PRKD1: variants seen among roughly 807,000 people sequenced by gnomAD.
PRKD1 encodes the protein serine/threonine-protein kinase D1.
In PRKD1, 63 loss-of-function variants were observed where a neutral mutation model predicts 95.9. The ratio of observed to expected loss-of-function variants is 0.66; its 90% confidence interval spans 0.54 to 0.81. PRKD1 has a LOEUF of 0.81. Ranked by LOEUF, PRKD1 falls within the 30% of genes least tolerant of loss-of-function variation. The pLI is 0.00. For missense variants in PRKD1, 1,048 were observed against 1,165.3 expected, an observed-to-expected ratio of 0.90 and a Z score of 1.47; for synonymous variants, 425 against 423.1, an observed-to-expected ratio of 1.00 and a Z score of -0.05.
intron 1 of PRKD1, among the ~76,000 whole-genome samples, chr14:29,775,600 G>A (rs1030854536): frequency 2.6e-4 from 39 of 152,108 alleles, no homozygotes; most frequent in Non-Finnish European, 4.9e-4. Flanking sequence ...TCTTGGGGAG[G>A]GGCATCCACC....
chr14:29,631,962 T>G (rs1313339621), intron 9 of PRKD1, among the ~76,000 whole-genome samples: 1 of 151,928 alleles, frequency 6.6e-6, no homozygotes, highest in Non-Finnish European at 1.5e-5. Flanking sequence ...CCATCACGAC[T>G]GGCTAATTTG....
intron 13 of PRKD1, among the ~76,000 whole-genome samples, chr14:29,606,101 C>G (rs183645792): frequency 8.5e-4 from 129 of 152,284 alleles, no homozygotes; most frequent in Middle Eastern, 3.4e-3. Context: ...CAGCCTCCCC[C>G]TCTCGGGTTC....
At chr14:29,877,876 A>G (rs1161394202) in intron 1 of PRKD1, among the ~76,000 whole-genome samples, 1 of 152,220 alleles carries the variant, frequency 6.6e-6, no homozygotes, top group Non-Finnish European at 1.5e-5. Context: ...ACTATACACA[A>G]TAGCAATGAC....
chr14:29,769,565 A>AAAAT lies in PRKD1; in HGVS notation c.265-43895_265-43892dup, dbSNP rs534074403. Among the ~76,000 whole-genome samples, 40 of 152,242 alleles carry AAAAT rather than the reference A, an allele frequency of 2.6e-4. 1 individual carries two copies. The South Asian group carries it at 7.7e-3, about 29-fold the overall frequency. On this transcript the variant is annotated intron_variant, in intron 1 of 17. Coordinates refer to ENST00000331968, the MANE Select transcript of PRKD1 (RefSeq NM_002742.3). ...GAAAGCAAGACCCAGTCTCCCGAAA[A>AAAAT]AAATAAATAAATAAATAAGAGAGAG...
At chr14:29,604,372 C>A (rs1050796121) in intron 13 of PRKD1, among the ~76,000 whole-genome samples, 2 of 152,222 alleles carry the variant, frequency 1.3e-5, no homozygotes, top group Admixed American at 6.5e-5. Context: ...TGCAATAGGT[C>A]TTTAGGAGCA....
chr14:29,710,169 G>T (rs1294654298), intron 2 of PRKD1, among the ~76,000 whole-genome samples: 3 of 152,112 alleles, frequency 2.0e-5, no homozygotes, highest in African/African-American at 7.2e-5. Flanking sequence ...CTTCCTGATG[G>T]AAGAATTCCA....
intron 1 of PRKD1, among the ~76,000 whole-genome samples, chr14:29,800,359 T>G (rs1271618507): frequency 6.6e-6 from 1 of 152,230 alleles, no homozygotes; most frequent in Non-Finnish European, 1.5e-5. Flanking sequence ...TGCATTTGTT[T>G]AACACTCTGT....
intron 1 of PRKD1, among the ~76,000 whole-genome samples, chr14:29,767,442 A>G (rs1888305603): frequency 6.6e-6 from 1 of 152,180 alleles, no homozygotes; most frequent in African/African-American, 2.4e-5. Flanking sequence ...TACCTTTTGG[A>G]GCCATGCAAA....
At chr14:29,734,028 CTTTTTTTTTTTTTTTT>C (rs58908662) in intron 1 of PRKD1, among the ~76,000 whole-genome samples, 12 of 64,642 alleles carry the variant, frequency 1.9e-4, no homozygotes, top group African/African-American at 4.7e-4. Context: ...ACTTTCCTGC[CTTTTTTTTTTTTTTTT>C]TTTTTTTTTT....
intron 2 of PRKD1, among the ~76,000 whole-genome samples, chr14:29,677,103 A>G (rs986766354): frequency 6.6e-6 from 1 of 152,180 alleles, no homozygotes; most frequent in African/African-American, 2.4e-5. Context: ...AAATTGGACC[A>G]TATAGCCGGT....
chr14:29,583,814 C>T (rs983971923), intron 16 of PRKD1, among the ~76,000 whole-genome samples: 3 of 151,992 alleles, frequency 2.0e-5, no homozygotes, highest in African/African-American at 7.2e-5. Flanking sequence ...CAATAATGTT[C>T]CCTACAAATT....
chr14:29,650,101 C>T (rs912057506), intron 4 of PRKD1, among the ~76,000 whole-genome samples: 4 of 151,970 alleles, frequency 2.6e-5, no homozygotes, highest in African/African-American at 9.7e-5. Flanking sequence ...ACTCTCGCCA[C>T]CTCCGGTTTT....
intron 2 of PRKD1, among the ~76,000 whole-genome samples, chr14:29,718,785 C>T (rs530804396): frequency 1.3e-5 from 2 of 152,168 alleles, no homozygotes; most frequent in South Asian, 2.1e-4. Context: ...ACCTTAGTTG[C>T]CCAAGTAGTA....
intron 1 of PRKD1, chr14:29,751,033 A>C (rs749525382): frequency 6.6e-6 from 1 of 152,148 alleles, no homozygotes; most frequent in Non-Finnish European, 1.5e-5. Flanking sequence ...TTGTCCACTG[A>C]ATGTAAAAAC....
chr14:29,761,584 T>C (rs989539140), intron 1 of PRKD1, among the ~76,000 whole-genome samples: 8 of 152,144 alleles, frequency 5.3e-5, no homozygotes, highest in Admixed American at 3.9e-4. Context: ...CTGATGTTAT[T>C]ATTATTGTCC....
At chr14:29,758,363 G>C (rs577629342) in intron 1 of PRKD1, among the ~76,000 whole-genome samples, 1 of 152,204 alleles carries the variant, frequency 6.6e-6, no homozygotes, top group South Asian at 2.1e-4. Flanking sequence ...TTTCAAAAGC[G>C]TTTTGACCCA....
At chr14:29,630,101 T>G (rs995700789) in intron 10 of PRKD1, among the ~76,000 whole-genome samples, 1 of 149,728 alleles carries the variant, frequency 6.7e-6, no homozygotes, top group Non-Finnish European at 1.5e-5. Context: ...CCTTTCTTCT[T>G]CTTCTCTTGC....
chr14:29,623,707 G>A (rs758912836), intron 13 of PRKD1, among the ~76,000 whole-genome samples: 2 of 152,180 alleles, frequency 1.3e-5, no homozygotes, highest in Non-Finnish European at 2.9e-5. Context: ...CTTACAGTGA[G>A]AGACAAAGAG....
intron 2 of PRKD1, among the ~76,000 whole-genome samples, chr14:29,674,417 G>A (rs1476647224): frequency 2.0e-5 from 3 of 152,184 alleles, no homozygotes; most frequent in East Asian, 3.9e-4. Context: ...GGGAATTGCA[G>A]TGGGGAAAGA....
Sources: gnomAD v4.1 joint callset for allele counts (sites outside exome capture counted in the v4.1 genomes callset) on GRCh38, gnomAD v4.1.1 for gene constraint, MANE v1.5 for transcripts, NCBI Gene and HGNC (gene_info 2026-07-23, HGNC 2026-07-21) for gene names.